KIF1A: variants seen among roughly 807,000 people sequenced by gnomAD.
KIF1A encodes kinesin family member 1A.
In KIF1A, 46 loss-of-function variants were observed where a neutral mutation model predicts 227.3. That is an observed-to-expected ratio of 0.20 (90% CI 0.16 to 0.26). The LOEUF (loss-of-function observed/expected upper bound fraction) is 0.26. Among genes scored for constraint, KIF1A ranks in the 10% least tolerant of loss-of-function variants. KIF1A has a pLI of 1.00. For missense variants in KIF1A, 1,683 were observed against 2,485.9 expected (o/e 0.68, Z 6.87); for synonymous variants, 1,022 against 1,012.8 (o/e 1.01, Z -0.17).
chr2:240,784,916 G>A lies in KIF1A; in HGVS notation c.720+73C>T, dbSNP rs934113447. The A allele has an allele frequency of 4.3e-5, 53 of 1,240,158 alleles. 3 individuals are homozygous for A. The South Asian group carries it at 5.9e-4, about 14-fold the overall frequency. The allele number at this position is 1,240,158 out of a possible 1,614,324, so 76.8% of individuals were successfully genotyped here. On this transcript the variant is annotated intron_variant, in intron 7 of 48. Transcript: ENST00000498729. ...GCCTGTCCTTGTGCTGCCCCCACTG[G>A]CCTGACCACCACCCCTACCCTGACC... is the stretch of plus-strand genomic sequence containing the variant.
rs535712043 is a variant in KIF1A, at chr2:240,767,487, C to T, written c.1498-142G>A. ...ACTTGGCTGGTGCCACCAGGCTGGT[C>T]ACTCCAAGCCAGGAAAATGAGGAAC... On this transcript the variant is annotated intron_variant, in intron 17 of 48. Transcript: ENST00000498729. 163 of 656,748 alleles carry T rather than the reference C, an allele frequency of 2.5e-4. 1 individual carries two copies. Among genetic ancestry groups the T allele is most frequent in the Middle Eastern group, 1.6e-3 (6 of 3,834 alleles). The allele number at this position is 656,748 out of a possible 1,614,324, so 40.7% of individuals were successfully genotyped here.
chr2:240,812,388 G>A (rs957514412), intron 1 of KIF1A, among the ~76,000 whole-genome samples: 4 of 152,214 alleles, frequency 2.6e-5, no homozygotes, highest in African/African-American at 9.6e-5. Context: ...CCAGCTGCTG[G>A]AGAGGCCCAT....
chr2:240,727,850 T>C lies in KIF1A; in HGVS notation c.4008-910A>G, dbSNP rs2046206449. On this transcript the variant is annotated intron_variant, in intron 38 of 48. Coordinates refer to ENST00000498729, the MANE Select transcript of KIF1A (RefSeq NM_001244008.2). ...GTGAGAGTTCCTGTTTTCAGCCTTC[T>C]GGATGGCAGTGACTGAGCTACTTCC... 2.0e-5 allele frequency among the ~76,000 whole-genome samples: 3 copies of C among 152,214 alleles called. No homozygotes were observed. The South Asian group carries it at 6.2e-4, about 31-fold the overall frequency.
chr2:240,724,931 CGGCGGGGGG>C (rs2045819321), intron 40 of KIF1A: 13 of 42,040 alleles, frequency 3.1e-4, no homozygotes, highest in East Asian at 2.8e-3. Context: ...AGGTCACCGG[CGGCGGGGGG>C]GGGGGGGGGG....
At position 240,793,486 on chromosome 2, in the gene KIF1A, A is replaced by C. The variant is rs750826323; in HGVS notation, c.106+4161T>G. 3.3e-5 allele frequency among the ~76,000 whole-genome samples: 5 copies of C among 152,206 alleles called. No homozygotes were observed. Among genetic ancestry groups the C allele is most frequent in the Non-Finnish European group, 7.3e-5 (5 of 68,040 alleles). On this transcript the variant is annotated intron_variant, in intron 2 of 48. Transcript: ENST00000498729. The surrounding 1 kb of genome is among the most constrained non-coding windows in gnomAD (Gnocchi z 4.8). Reference sequence around the variant, plus strand: ...TCCGCGTCCCCAGCCAGCCTCCAGCATCTGCAGAATGGCTGGGCAGGCTCA... The same window carrying C: ...TCCGCGTCCCCAGCCAGCCTCCAGCCTCTGCAGAATGGCTGGGCAGGCTCA...
chr2:240,785,962 T>TC (rs1308283717), intron 6 of KIF1A, among the ~76,000 whole-genome samples: 1 of 151,886 alleles, frequency 6.6e-6, no homozygotes, highest in Non-Finnish European at 1.5e-5. Flanking sequence ...CAGCCGACCC[T>TC]CCCCACATGC....
chr2:240,774,161 C>T (rs1400753036), intron 12 of KIF1A, 22 bp downstream of exon 12: 3 of 1,504,628 alleles, frequency 2.0e-6, no homozygotes, highest in Non-Finnish European at 2.7e-6. Context: ...GGAAGCAGAG[C>T]TTGTCTCCCT....
intron 15 of KIF1A, among the ~76,000 whole-genome samples, chr2:240,769,993 C>T (rs990752127): frequency 3.3e-5 from 5 of 152,214 alleles, no homozygotes; most frequent in East Asian, 1.9e-4. Context: ...CAGCCATCCT[C>T]GCTGCTGCCA....
chr2:240,770,365 T>G (rs2051784820), intron 15 of KIF1A, among the ~76,000 whole-genome samples: 1 of 152,068 alleles, frequency 6.6e-6, no homozygotes, highest in African/African-American at 2.4e-5. Flanking sequence ...CAGGCAGGTG[T>G]GCAGGTGTGA....
chr2:240,819,763 G>A (rs897715862), intron 1 of KIF1A, among the ~76,000 whole-genome samples: 1 of 152,212 alleles, frequency 6.6e-6, no homozygotes, highest in African/African-American at 2.4e-5. Flanking sequence ...CGGAATAGCC[G>A]GGGAAGGGCG....
At chr2:240,738,503 C>T (rs2047606494) in intron 37 of KIF1A, among the ~76,000 whole-genome samples, 1 of 152,134 alleles carries the variant, frequency 6.6e-6, no homozygotes. Flanking sequence ...AGATTGGGTC[C>T]CAGGTGAGGA....
chr2:240,737,359 G>A lies in KIF1A; in HGVS notation c.3902-191C>T, dbSNP rs10174559. The A allele has an allele frequency of 0.28, 149,855 of 531,326 alleles. 24,622 individuals carry two copies. Among genetic ancestry groups the A allele is most frequent in the African/African-American group, 0.58 (30,775 of 52,786 alleles). The allele number at this position is 531,326 out of a possible 1,614,324, so 32.9% of individuals were successfully genotyped here. A position where few individuals can be genotyped will look rare whatever the true frequency, so the allele number is the denominator to read the frequency against. On this transcript the variant is annotated intron_variant, in intron 37 of 48. Transcript: ENST00000498729. The stretch of plus-strand genomic sequence containing the variant: ...AGCAACCCAGGTGCCATGTGTAGTT[G>A]CTGCTCCACGGTCTTTCTTGTCTGT...
chr2:240,742,805 A>T, intron 34 of KIF1A, 124 bp downstream of exon 34: 2 of 864,248 alleles, frequency 2.3e-6, no homozygotes, highest in Non-Finnish European at 3.7e-6. Flanking sequence ...GGGTGGCGCC[A>T]GAGTGCCTGG....
At chr2:240,773,347 C>G in intron 12 of KIF1A, 91 bp from the exon 13 acceptor site, 2 of 1,515,992 alleles carry the variant, frequency 1.3e-6, no homozygotes, top group South Asian at 1.2e-5. Flanking sequence ...CAAGACCCAG[C>G]CTTTTGGGCT....
At chr2:240,743,907 C>G (rs562572783) in intron 33 of KIF1A, 35 bp downstream of exon 33, 11 of 1,370,190 alleles carry the variant, frequency 8.0e-6, no homozygotes, top group Admixed American at 5.1e-5. Context: ...GCTTTGAGGA[C>G]AGCAGCCCCG....
At chr2:240,756,587 G>A (rs989973857) in intron 27 of KIF1A, among the ~76,000 whole-genome samples, 20 of 152,356 alleles carry the variant, frequency 1.3e-4, no homozygotes, top group African/African-American at 4.3e-4. Flanking sequence ...GCCACATGCC[G>A]CCATCTCTGG....
At position 240,725,150 on chromosome 2, in the gene KIF1A, G is replaced by A. The variant is rs1344467050; in HGVS notation, c.4256+121C>T. 2.1e-5 allele frequency: 22 copies of A among 1,038,762 alleles called. No homozygotes were observed. Among genetic ancestry groups the A allele is most frequent in the Admixed American group, 1.3e-4 (5 of 39,392 alleles). 64.3% of individuals were successfully genotyped at this position (1,038,762 alleles called of 1,614,324 possible). A position where few individuals can be genotyped will look rare whatever the true frequency, so the allele number is the denominator to read the frequency against. ...GCGCAGGGAGCCAGCCAGGAGTGTG[G>A]CTGGGCCTCGCACAGGGTGAGCTGC... is the stretch of plus-strand genomic sequence containing the variant. On this transcript the variant is annotated intron_variant, in intron 40 of 48. Transcript: ENST00000498729. The surrounding 1 kb of genome is among the most constrained non-coding windows in gnomAD (Gnocchi z 5.8).
Position 240,769,234 on chromosome 2 carries a change from A to C in KIF1A, c.1422-26T>G, listed in dbSNP as rs1400482179. 4 of 1,585,058 alleles carry C rather than the reference A, an allele frequency of 2.5e-6. No homozygotes were observed. The African/African-American group carries it at 5.4e-5, about 21-fold the overall frequency. ...CTGGGGGAACAGAGCTGAGGTCAGC[A>C]CAAGCTCCACAAGGCTTCCAGCACT... On this transcript the variant is annotated intron_variant, in intron 16 of 48. Coordinates refer to ENST00000498729, the MANE Select transcript of KIF1A (RefSeq NM_001244008.2).
chr2:240,735,499 G>GCCCAC (rs1181477113), intron 38 of KIF1A, among the ~76,000 whole-genome samples: 2 of 152,172 alleles, frequency 1.3e-5, no homozygotes, highest in African/African-American at 4.8e-5. Flanking sequence ...TGGAGCCCCT[G>GCCCAC]CCCACCCCAC....
Sources: allele counts gnomAD v4.1 joint callset (sites outside exome capture counted in the v4.1 genomes callset), GRCh38; gene constraint gnomAD v4.1.1; non-coding constraint Gnocchi (gnomAD v3.1); transcripts MANE v1.5; gene names NCBI Gene and HGNC (gene_info 2026-07-23, HGNC 2026-07-21).